The following ARMH3 variants were observed in gnomAD, a reference collection of about 807,000 sequenced individuals.
ARMH3 encodes the protein armadillo-like helical domain-containing protein 3.
A neutral mutation model predicts 99.1 loss-of-function variants in ARMH3; 60 were observed. That is an observed-to-expected ratio of 0.61 (90% confidence interval 0.49 to 0.75). ARMH3 has a LOEUF of 0.75. Ranked by LOEUF, ARMH3 falls within the 30% of genes least tolerant of loss-of-function variation. ARMH3 has a pLI of 0.00. For missense variants in ARMH3, 679 were observed against 843.1 expected, an observed-to-expected ratio of 0.81 and a Z score of 2.41; for synonymous variants, 285 against 292.8, an observed-to-expected ratio of 0.97 and a Z score of 0.27.
intron 19 of ARMH3, among the ~76,000 whole-genome samples, chr10:101,977,249 CA>C (rs1324546439): frequency 1.8e-4 from 27 of 152,054 alleles, no homozygotes; most frequent in Non-Finnish European, 3.7e-4. Context: ...AGAGTATTTC[CA>C]AATAAGCAGT....
chr10:102,055,721 C>A (rs896222489), intron 1 of ARMH3, among the ~76,000 whole-genome samples: 26 of 152,192 alleles, frequency 1.7e-4, no homozygotes, highest in Non-Finnish European at 3.2e-4. Context: ...ACCCCAGGAC[C>A]AAGAACAGCA....
rs1448191462 is a variant in ARMH3, at chr10:101,875,784, C to A, written c.1860+13628G>T. 2.0e-5 allele frequency among the ~76,000 whole-genome samples: 3 copies of A among 152,168 alleles called. No individual in the cohort carries two copies. In the East Asian group the frequency reaches 5.8e-4, roughly 29 times the overall value. ...TGACTTTAATTTCCCTGGGCAGTCA[C>A]CCCCACCTCCCTGACTTTATTTGGT... is the stretch of plus-strand genomic sequence containing the variant. On this transcript the variant is annotated intron_variant, in intron 24 of 25. Coordinates refer to ENST00000370033, the MANE Select transcript of ARMH3 (RefSeq NM_024541.3).
At chr10:101,906,861 G>C (rs1013594835) in intron 23 of ARMH3, among the ~76,000 whole-genome samples, 3 of 152,122 alleles carry the variant, frequency 2.0e-5, no homozygotes, top group Non-Finnish European at 2.9e-5. Flanking sequence ...CAGATATGTA[G>C]CTTCAAAACA....
intron 5 of ARMH3, among the ~76,000 whole-genome samples, chr10:102,026,202 A>AT (rs984891803): frequency 7.8e-4 from 119 of 152,326 alleles, no homozygotes; most frequent in African/African-American, 2.6e-3. Flanking sequence ...AATATTCTAC[A>AT]TTAAATGAGG....
intron 1 of ARMH3, among the ~76,000 whole-genome samples, chr10:102,042,457 G>A (rs913902037): frequency 6.6e-6 from 1 of 152,228 alleles, no homozygotes; most frequent in African/African-American, 2.4e-5. Context: ...AAAGGGAATA[G>A]GAGAGGAGGG....
chr10:101,847,818 G>C (rs1256612032), intron 25 of ARMH3, among the ~76,000 whole-genome samples, 198 bp from the exon 26 acceptor site: 2 of 152,224 alleles, frequency 1.3e-5, no homozygotes, highest in African/African-American at 4.8e-5. Flanking sequence ...GGAGAGAAGA[G>C]GGGTGGACAG....
chr10:101,881,915 T>C (rs944213412), intron 24 of ARMH3, among the ~76,000 whole-genome samples: 1 of 152,226 alleles, frequency 6.6e-6, no homozygotes, highest in Non-Finnish European at 1.5e-5. Flanking sequence ...CTCCATTCTT[T>C]TCTCCTCCGT....
Position 101,953,755 on chromosome 10 carries a change from G to A in ARMH3, c.1705+2842C>T, listed in dbSNP as rs577514978. The stretch of plus-strand genomic sequence containing the variant: ...AGTGCTGGATATGATATGGAATGAC[G>A]ACAACTTTCATGCATTGCTGGAGAG... On this transcript the variant is annotated intron_variant, in intron 22 of 25. Transcript: ENST00000370033. Among the ~76,000 whole-genome samples the A allele has an allele frequency of 3.3e-5, 5 of 152,122 alleles. No homozygotes were observed. The South Asian group carries it at 8.3e-4, about 25-fold the overall frequency.
chr10:101,935,174 A>ATATATATATATATATATATATATATAT lies in ARMH3; in HGVS notation c.1781+4688_1781+4689insATATATATATATATATATATATATATA, dbSNP rs1843902399. ...AGAAGCGGAATCTCAAAGGTGGAGC[A>ATATATATATATATATATATATATATAT]ATATATATATATATATATATATATA... On this transcript the variant is annotated intron_variant, in intron 23 of 25. Coordinates refer to ENST00000370033, the MANE Select transcript of ARMH3 (RefSeq NM_024541.3). Among the ~76,000 whole-genome samples the ATATATATATATATATATATATATATAT allele has an allele frequency of 2.6e-4, 30 of 117,152 alleles. 1 individual carries two copies. Among genetic ancestry groups the ATATATATATATATATATATATATATAT allele is most frequent in the African/African-American group, 8.6e-4 (27 of 31,428 alleles). The allele number at this position is 117,152 out of a possible 152,430, so 76.9% of individuals were successfully genotyped here.
At chr10:101,864,058 C>T (rs2066933077) in intron 24 of ARMH3, among the ~76,000 whole-genome samples, 1 of 69,130 alleles carries the variant, frequency 1.4e-5, no homozygotes, top group South Asian at 5.2e-4. Context: ...AAGACTCCAT[C>T]TCAAAAAAAA....
At chr10:101,994,382 G>T (rs1473166763) in intron 16 of ARMH3, among the ~76,000 whole-genome samples, 1 of 152,144 alleles carries the variant, frequency 6.6e-6, no homozygotes, top group African/African-American at 2.4e-5. Context: ...TTTCCACAGA[G>T]AACATGAAGA....
intron 13 of ARMH3, among the ~76,000 whole-genome samples, chr10:102,007,966 G>A (rs2066543408): frequency 6.6e-6 from 1 of 151,640 alleles, no homozygotes; most frequent in South Asian, 2.1e-4. Context: ...GACCAAAACA[G>A]ATGACTCTTC....
rs923681234 is a variant in ARMH3, at chr10:102,053,888, G to A, written c.-12+2197C>T. 2.0e-5 allele frequency among the ~76,000 whole-genome samples: 3 copies of A among 152,162 alleles called. No homozygotes were observed. In the East Asian group the frequency reaches 5.8e-4, roughly 29 times the overall value. Reference sequence around the variant, plus strand: ...TTAGCCAGGATGGTCTTGATCTCCTGACCTTGTGATCCGCCGGCCTCCGCC... The same window carrying A: ...TTAGCCAGGATGGTCTTGATCTCCTAACCTTGTGATCCGCCGGCCTCCGCC... On this transcript the variant is annotated intron_variant, in intron 1 of 25. Coordinates refer to ENST00000370033, the MANE Select transcript of ARMH3 (RefSeq NM_024541.3).
At chr10:102,039,451 G>A (rs777041858) in intron 2 of ARMH3, among the ~76,000 whole-genome samples, 4 of 152,010 alleles carry the variant, frequency 2.6e-5, no homozygotes, top group Admixed American at 6.6e-5. Flanking sequence ...CCCCTGATAG[G>A]GTATATTTTA....
At chr10:101,910,099 G>A (rs1246538421) in intron 23 of ARMH3, among the ~76,000 whole-genome samples, 2 of 152,176 alleles carry the variant, frequency 1.3e-5, no homozygotes, top group East Asian at 3.9e-4. Context: ...TCAATACAGT[G>A]ATGCGGCCCT....
At chr10:101,879,220 G>A (rs1026138491) in intron 24 of ARMH3, among the ~76,000 whole-genome samples, 11 of 152,172 alleles carry the variant, frequency 7.2e-5, no homozygotes, top group Non-Finnish European at 1.6e-4. Flanking sequence ...CTCAGGCTTT[G>A]TAGTCAGACA....
In ARMH3 at chr10:101,978,068, A is replaced by T. The variant is rs1345177126; in HGVS notation, c.1407-2768T>A. Among the ~76,000 whole-genome samples, 5 of 152,364 alleles carry T rather than the reference A, an allele frequency of 3.3e-5. No individual in the cohort carries two copies. The East Asian group carries it at 9.6e-4, about 29-fold the overall frequency. ...CAAAAAAGGGGAACAGGGAAAGTCA[A>T]CATTTTTCTATAATGTTCAACTTCA... On this transcript the variant is annotated intron_variant, in intron 19 of 25. Coordinates refer to ENST00000370033, the MANE Select transcript of ARMH3 (RefSeq NM_024541.3).
rs544574014 is a variant in ARMH3 at position 101,889,230 on chromosome 10, A to T, written c.1860+182T>A. Reference sequence around the variant, plus strand: ...TTAACAAACCCTTCAGATGGCACAAACGCAGACAGCATCACTCTGTATTAA... The same window carrying T: ...TTAACAAACCCTTCAGATGGCACAATCGCAGACAGCATCACTCTGTATTAA... On this transcript the variant is annotated intron_variant, in intron 24 of 25. Transcript: ENST00000370033. 3.9e-5 allele frequency among the ~76,000 whole-genome samples: 6 copies of T among 152,358 alleles called. No homozygotes were observed. The East Asian group carries it at 1.2e-3, about 29-fold the overall frequency.
chr10:101,980,618 A>G (rs1458951174), intron 19 of ARMH3, among the ~76,000 whole-genome samples: 1 of 152,122 alleles, frequency 6.6e-6, no homozygotes, highest in African/African-American at 2.4e-5. Context: ...TTCAAGTTCT[A>G]TGGCTATAAC....
Sources: gnomAD v4.1 joint callset for allele counts (sites outside exome capture counted in the v4.1 genomes callset) on GRCh38, gnomAD v4.1.1 for gene constraint, MANE v1.5 for transcripts, NCBI Gene and HGNC (gene_info 2026-07-23, HGNC 2026-07-21) for gene names.